The following FAT2 variants were observed in gnomAD, a reference collection of about 807,000 sequenced individuals.
The protein encoded by FAT2 is protocadherin Fat 2.
FAT2 carries 150 observed loss-of-function variants against 295.3 expected under a neutral mutation model. The observed-to-expected ratio is 0.51, with a 90% CI of 0.44 to 0.58. FAT2 has a LOEUF of 0.58. Ranked by LOEUF, FAT2 falls within the 20% of genes least tolerant of loss-of-function variation. The pLI is 0.00. For missense variants in FAT2, 4,868 were observed against 5,442.7 expected (o/e 0.89, Z 3.32); for synonymous variants, 2,026 against 2,150.3 (o/e 0.94, Z 1.60).
intron 1 of FAT2, among the ~76,000 whole-genome samples, chr5:151,581,937 T>TAGCCTGGCCC (rs1758972986): frequency 6.6e-6 from 1 of 152,216 alleles, no homozygotes; most frequent in African/African-American, 2.4e-5. Context: ...CCATTTCCTC[T>TAGCCTGGCCC]AGCCTGGCCC....
intron 15 of FAT2, 52 bp downstream of exon 15, chr5:151,529,126 G>T: frequency 1.3e-6 from 2 of 1,513,646 alleles, no homozygotes; most frequent in Non-Finnish European, 1.8e-6. Context: ...GGTGAGATAA[G>T]AACCCATCCC....
At chr5:151,554,338 C>T (rs770217397) in intron 5 of FAT2, 24 bp downstream of exon 5, 11 of 1,596,332 alleles carry the variant, frequency 6.9e-6, no homozygotes, top group South Asian at 6.8e-5. Flanking sequence ...CTCCTCCCTC[C>T]GTGGCTTCCT....
chr5:151,565,730 G>A lies in FAT2; in HGVS notation c.3202C>T (p.Gln1068Ter). 6.2e-7 allele frequency: 1 copy of A among 1,604,976 alleles called. No homozygotes were observed. ...CCAGTGCCAGCACGCAGGAAGTACTGGAGCTCCCCATCCAAGCCACTGTCA... is the reference window on the plus strand; with the variant it reads ...CCAGTGCCAGCACGCAGGAAGTACTAGAGCTCCCCATCCAAGCCACTGTCA... ...DDDSGLDGEL[Q>*]YFLRAGTGLA... is the part of the protein sequence containing the mutation. Residue 1068 changes from glutamine (Q) to a stop codon, truncating the protein, a stop_gained, in exon 2 of 24, where the codon CAG becomes TAG. Coordinates refer to ENST00000261800, the MANE Select transcript of FAT2 (RefSeq NM_001447.3). LOFTEE classifies it high-confidence loss of function.
intron 3 of FAT2, among the ~76,000 whole-genome samples, chr5:151,559,465 A>G (rs1435372197): frequency 6.6e-6 from 1 of 152,060 alleles, no homozygotes; most frequent in Non-Finnish European, 1.5e-5. Flanking sequence ...GGAAGAGCAC[A>G]AGGACTAGGG....
At position 151,565,665 on chromosome 5, in the gene FAT2, C is replaced by CCCA; in HGVS notation, c.3259+5_3259+7dup. ...CCCTGGCACCCCACCCTACCCCACC[C>CCCA]CCAGTACCTGTATCTTGGTTGATGC... On this transcript the variant is annotated splice_region_variant and intron_variant, in intron 2 of 23. Coordinates refer to ENST00000261800, the MANE Select transcript of FAT2 (RefSeq NM_001447.3). 1 of 1,575,800 alleles carries CCCA rather than the reference C, an allele frequency of 6.3e-7. No individual in the cohort carries two copies. The highest frequency in any genetic ancestry group is 8.6e-7 in the Non-Finnish European group (1 of 1,158,362).
At chr5:151,560,673 T>C (rs6881602) in intron 3 of FAT2, among the ~76,000 whole-genome samples, 6,856 of 152,290 alleles carry the variant, frequency 0.045, 364 homozygotes, top group African/African-American at 0.13. Context: ...CTGGTTCTAT[T>C]GTGTTTATAT....
chr5:151,522,371 C>G (rs1161852476), intron 18 of FAT2, among the ~76,000 whole-genome samples: 1 of 152,222 alleles, frequency 6.6e-6, no homozygotes, highest in Non-Finnish European at 1.5e-5. Context: ...GAGCCTCTTC[C>G]TAAATCTCTC....
Position 151,534,638 on chromosome 5 carries a change from C to T in FAT2, c.9198G>A (p.Glu3066=). ...HEFKLDPHTG[E]LTTLTALDRE... is the part of the protein sequence containing the mutation. ...GGTCTAGGGCAGTGAGTGTGGTCAGCTCCCCTGGTCGGAGAAATGACAAAA... is the reference window on the plus strand; with the variant it reads ...GGTCTAGGGCAGTGAGTGTGGTCAGTTCCCCTGGTCGGAGAAATGACAAAA... Residue 3066 remains glutamate, a synonymous_variant, in exon 13 of 24, where the codon GAG becomes GAA. Coordinates refer to ENST00000261800, the MANE Select transcript of FAT2 (RefSeq NM_001447.3). The T allele has an allele frequency of 1.2e-6, 2 of 1,603,692 alleles. No homozygotes were observed. Among genetic ancestry groups the T allele is most frequent in the Non-Finnish European group, 1.7e-6 (2 of 1,171,298 alleles).
rs1581449171 is a variant in FAT2 at position 151,566,113 on chromosome 5, G to T, written c.2819C>A (p.Pro940His). 4 of 1,614,172 alleles carry T rather than the reference G, an allele frequency of 2.5e-6. No individual in the cohort carries two copies. Among genetic ancestry groups the T allele is most frequent in the Non-Finnish European group, 3.4e-6 (4 of 1,180,038 alleles). ...NRLKVPEDLPPGTVLTFLDAS... is the reference protein window; with the variant it reads ...NRLKVPEDLPHGTVLTFLDAS... ...ATCCAGAAATGTCAAGACAGTCCCG[G>T]GGGGCAGGTCCTCTGGAACCTTCAG... The change falls in exon 2 of 24, where the codon CCC becomes CAC. Residue 940 changes from proline (P) to histidine (H), a missense_variant. Physicochemically the swap from Pro to His is moderately conservative, Grantham distance 77 (BLOSUM62 -2). Around this residue, in one of 5 missense-constraint regions of FAT2, gnomAD observed 3,297 missense variants for 3,669.4 expected, o/e 0.90. Transcript: ENST00000261800.
At chr5:151,517,145 A>C (rs902416603) in intron 20 of FAT2, among the ~76,000 whole-genome samples, 3 of 152,118 alleles carry the variant, frequency 2.0e-5, no homozygotes, top group Admixed American at 6.6e-5. Flanking sequence ...GTAGATTGGC[A>C]TATGTGATAG....
At chr5:151,591,756 G>T (rs907344420), upstream of FAT2, among the ~76,000 whole-genome samples, 1 of 152,168 alleles carries the variant, frequency 6.6e-6, no homozygotes, top group African/African-American at 2.4e-5. Context: ...CCACCTACTA[G>T]TTCAGTAAGC....
In FAT2 at chr5:151,542,425, T is replaced by C; in HGVS notation, c.8702A>G (p.Asp2901Gly). The C allele has an allele frequency of 6.2e-7, 1 of 1,614,186 alleles. No individual in the cohort carries two copies. Residue 2901 changes from aspartate (D) to glycine (G), a missense_variant, in exon 10 of 24, where the codon GAC (aspartate) becomes GGC (glycine). Physicochemically the swap from Asp to Gly is moderately conservative, Grantham distance 94. Around this residue, in one of 5 missense-constraint regions of FAT2, gnomAD observed 3,297 missense variants for 3,669.4 expected, o/e 0.90. Coordinates refer to ENST00000261800, the MANE Select transcript of FAT2 (RefSeq NM_001447.3). ...LVQVSITDEN[D>G]NAPRFASEEY... Reference sequence around the variant, plus strand: ...TTCAGAAGCAAATCGGGGAGCATTGTCATTCTCATCTGTAATGGAGACCTG... The same window carrying C: ...TTCAGAAGCAAATCGGGGAGCATTGCCATTCTCATCTGTAATGGAGACCTG...
At position 151,554,582 on chromosome 5, in the gene FAT2, A is replaced by C. The variant is rs778850295; in HGVS notation, c.3725T>G (p.Phe1242Cys). ...ILDVNDNPPI[F>C]SHKLFNVRLP... ...GCGGACATTGAAGAGCTTGTGGGAG[A>C]ATATAGGTGGATTGTCATTGACGTC... Residue 1242 changes from phenylalanine to cysteine, a missense_variant, in exon 5 of 24, where the codon TTC becomes TGC. Coordinates refer to ENST00000261800, the MANE Select transcript of FAT2 (RefSeq NM_001447.3). The C allele has an allele frequency of 1.2e-6, 2 of 1,614,124 alleles. No homozygotes were observed. The highest frequency in any genetic ancestry group is 2.2e-5 in the South Asian group (2 of 91,072).
chr5:151,566,376 A>T lies in FAT2; in HGVS notation c.2556T>A (p.Asn852Lys), dbSNP rs145797056. Reference protein sequence around the residue: ...LTTKDADSEDNGRVRYTLLSP... With the variant: ...LTTKDADSEDKGRVRYTLLSP... ...TTAGCAGGGTGTAGCGAACCCTGCCATTGTCTTCCGAGTCAGCATCTTTGG... is the reference window on the plus strand; with the variant it reads ...TTAGCAGGGTGTAGCGAACCCTGCCTTTGTCTTCCGAGTCAGCATCTTTGG... The change falls in exon 2 of 24, where the codon AAT becomes AAA. Residue 852 changes from asparagine to lysine, a missense_variant. Physicochemically the swap from Asn to Lys is moderately conservative, Grantham distance 94 (BLOSUM62 0). Around this residue, in one of 5 missense-constraint regions of FAT2, gnomAD observed 3,297 missense variants for 3,669.4 expected, o/e 0.90. Coordinates refer to ENST00000261800, the MANE Select transcript of FAT2 (RefSeq NM_001447.3). 2.5e-6 allele frequency: 4 copies of T among 1,613,968 alleles called. No individual in the cohort carries two copies. The highest frequency in any genetic ancestry group is 3.4e-6 in the Non-Finnish European group (4 of 1,179,954).
chr5:151,514,835 ACCT>A (rs1228177968), intron 20 of FAT2, among the ~76,000 whole-genome samples: 1 of 151,498 alleles, frequency 6.6e-6, no homozygotes, highest in East Asian at 1.9e-4. Context: ...CTACCTCCTC[ACCT>A]CCTCAAGGGT....
chr5:151,591,979 T>C (rs1759428553), upstream of FAT2, among the ~76,000 whole-genome samples: 1 of 152,240 alleles, frequency 6.6e-6, no homozygotes, highest in African/African-American at 2.4e-5. Flanking sequence ...TTACCCTCTC[T>C]AAGTTTGGGC....
At position 151,531,565 on chromosome 5, in the gene FAT2, G is replaced by T. The variant is rs1754606270; in HGVS notation, c.9811+22C>A. On this transcript the variant is annotated intron_variant, in intron 14 of 23. Coordinates refer to ENST00000261800, the MANE Select transcript of FAT2 (RefSeq NM_001447.3). The surrounding 1 kb of genome is among the most constrained non-coding windows in gnomAD (Gnocchi z 5.7). Reference sequence around the variant, plus strand: ...GAAACCCTGTACGCGATGCTTTGGGGCTTGGTGGATCAGGCTCTCACCTGT... The same window carrying T: ...GAAACCCTGTACGCGATGCTTTGGGTCTTGGTGGATCAGGCTCTCACCTGT... 3.7e-6 allele frequency: 6 copies of T among 1,611,422 alleles called. No homozygotes were observed. Among genetic ancestry groups the T allele is most frequent in the Non-Finnish European group, 4.2e-6 (5 of 1,179,694 alleles).
intron 18 of FAT2, among the ~76,000 whole-genome samples, chr5:151,523,528 T>C (rs1283732040): frequency 6.6e-6 from 1 of 152,172 alleles, no homozygotes; most frequent in Non-Finnish European, 1.5e-5. Context: ...TGTGTTTTTC[T>C]TTGCTGGCCT....
At position 151,568,210 on chromosome 5, in the gene FAT2, G is replaced by A. The variant is rs2127649602; in HGVS notation, c.722C>T (p.Ala241Val). The A allele has an allele frequency of 6.2e-7, 1 of 1,613,934 alleles. No homozygotes were observed. The highest frequency in any genetic ancestry group is 1.1e-5 in the South Asian group (1 of 91,044). ...GGCAGGCTCCACATGAACCACAAGT[G>A]CAGCCAGGCTGCCAAACCCATTGCC... ...SEGNGFGSLA[A>V]LVVHVEPALR... The change falls in exon 2 of 24, where the codon GCA (alanine) becomes GTA (valine). Residue 241 changes from alanine to valine, a missense_variant. Physicochemically the swap from Ala to Val is moderately conservative, Grantham distance 64 (BLOSUM62 0). This residue lies in a region of FAT2 where 3,297 missense variants were observed against 3,669.4 expected (regional missense o/e 0.90). Coordinates refer to ENST00000261800, the MANE Select transcript of FAT2 (RefSeq NM_001447.3).
Sources: allele counts gnomAD v4.1 joint callset (sites outside exome capture counted in the v4.1 genomes callset), GRCh38; gene constraint gnomAD v4.1.1; regional missense constraint gnomAD v4.1.1; non-coding constraint Gnocchi (gnomAD v3.1); transcripts MANE v1.5; gene names NCBI Gene and HGNC (gene_info 2026-07-23, HGNC 2026-07-21).